ADRA1B: variants seen among roughly 807,000 people sequenced by gnomAD.
ADRA1B encodes alpha-1B adrenergic receptor.
A neutral mutation model predicts 17.9 loss-of-function variants in ADRA1B; 17 were observed. The ratio of observed to expected loss-of-function variants is 0.95; its 90% CI spans 0.65 to 1.42. The LOEUF (loss-of-function observed/expected upper bound fraction) is 1.42, where lower values mean the gene tolerates loss of function less well. Among genes scored for constraint, ADRA1B ranks in the 40% most tolerant of loss-of-function variants. The pLI is 0.00. For synonymous variants in ADRA1B, 366 were observed against 327.6 expected (o/e 1.12, Z -1.27); for missense variants, 681 against 722.1 (o/e 0.94, Z 0.65).
chr5:159,954,833 T>C (rs756727649), intron 1 of ADRA1B, among the ~76,000 whole-genome samples: 11 of 152,182 alleles, frequency 7.2e-5, no homozygotes, highest in Non-Finnish European at 1.5e-4. Flanking sequence ...ACTTTTATCA[T>C]TGAGATTCTC....
rs141600420 is a variant in ADRA1B at position 159,938,012 on chromosome 5, C to T, written c.949+20158C>T. Among the ~76,000 whole-genome samples, 20 of 152,280 alleles carry T rather than the reference C, an allele frequency of 1.3e-4. No individual in the cohort carries two copies. In the East Asian group the frequency reaches 3.9e-3, roughly 29 times the overall value. On this transcript the variant is annotated intron_variant, in intron 1 of 1. Coordinates refer to ENST00000306675, the MANE Select transcript of ADRA1B (RefSeq NM_000679.4). ...CTCAGTGCTCTCCTAGGCTTTTCCT[C>T]TTACTAGCTGTGTGATTTTGAAGCT...
chr5:159,931,570 A>G (rs981453612), intron 1 of ADRA1B, among the ~76,000 whole-genome samples: 5 of 152,194 alleles, frequency 3.3e-5, no homozygotes, highest in African/African-American at 1.2e-4. Flanking sequence ...ACAGCAAAAT[A>G]TAAAAAAGAA....
the ADRA1B span, among the ~76,000 whole-genome samples, chr5:159,982,935 G>A: frequency 1.3e-5 from 2 of 152,172 alleles, no homozygotes; most frequent in Non-Finnish European, 2.9e-5. Flanking sequence ...CTATCCGAAG[G>A]CAGTTACTAA....
In ADRA1B at chr5:159,917,130, C is replaced by T; in HGVS notation, c.225C>T (p.His75=). 6.2e-7 allele frequency: 1 copy of T among 1,614,148 alleles called. No individual in the cohort carries two copies. Among genetic ancestry groups the T allele is most frequent in the Non-Finnish European group, 8.5e-7 (1 of 1,180,016 alleles). ...TCTTGTCTGTGGCCTGCAACCGGCA[C>T]CTGCGGACGCCCACCAACTACTTCA... ...LVILSVACNR[H]LRTPTNYFIV... The change falls in exon 1 of 2, where the codon CAC becomes CAT. Residue 75 remains histidine, a synonymous_variant. Transcript: ENST00000306675.
chr5:159,971,478 T>G (rs1216112938), intron 1 of ADRA1B, among the ~76,000 whole-genome samples: 1 of 152,226 alleles, frequency 6.6e-6, no homozygotes, highest in Non-Finnish European at 1.5e-5. Flanking sequence ...ATCTACTTCA[T>G]GACGTTTTGT....
At chr5:159,987,544 G>A in the ADRA1B span, among the ~76,000 whole-genome samples, 1 of 152,358 alleles carries the variant, frequency 6.6e-6, no homozygotes, top group Middle Eastern at 3.4e-3. Flanking sequence ...GTGGACCCGC[G>A]CGCCACCCGC....
At chr5:159,984,914 A>G in the ADRA1B span, among the ~76,000 whole-genome samples, 1 of 151,510 alleles carries the variant, frequency 6.6e-6, no homozygotes, top group Non-Finnish European at 1.5e-5. Flanking sequence ...CAAAAAAAAA[A>G]AAAAGAAAAG....
chr5:159,944,671 A>G (rs967982802), intron 1 of ADRA1B, among the ~76,000 whole-genome samples: 4 of 151,612 alleles, frequency 2.6e-5, no homozygotes, highest in Non-Finnish European at 5.9e-5. Context: ...TGCCTCATAT[A>G]TGTTACCTCC....
intron 1 of ADRA1B, among the ~76,000 whole-genome samples, chr5:159,949,442 A>G (rs1755364228): frequency 6.6e-6 from 1 of 152,244 alleles, no homozygotes; most frequent in African/African-American, 2.4e-5. Flanking sequence ...GAAAATGTAC[A>G]TATGCACATC....
At chr5:159,916,284 G>C (rs1374223914), upstream of ADRA1B, 1 of 152,100 alleles carries the variant, frequency 6.6e-6, no homozygotes, top group African/African-American at 2.4e-5. Flanking sequence ...CCACGCCCAG[G>C]TCCCGCCCTC....
rs774975421 is a variant in ADRA1B, at chr5:159,972,264, C to T, written c.1335C>T (p.Pro445=). The change falls in exon 2 of 2, where the codon CCC becomes CCT. Residue 445 remains proline, a synonymous_variant. Transcript: ENST00000306675. ...APPPVELCAF[P]EWKAPGALLS... ...CGCCAGTCGAGCTGTGCGCCTTCCC[C>T]GAGTGGAAGGCGCCCGGCGCCCTCC... is the stretch of plus-strand genomic sequence containing the variant. The T allele has an allele frequency of 8.2e-6, 11 of 1,345,514 alleles. No individual in the cohort carries two copies. In the South Asian group the frequency reaches 1.0e-4, roughly 12 times the overall value. 83.3% of individuals were successfully genotyped at this position (1,345,514 alleles called of 1,614,324 possible).
chr5:159,981,051 G>T, the ADRA1B span, among the ~76,000 whole-genome samples: 2 of 152,210 alleles, frequency 1.3e-5, no homozygotes, highest in African/African-American at 4.8e-5. Flanking sequence ...CTGGACTCAT[G>T]AAGAGACTTC....
intron 1 of ADRA1B, among the ~76,000 whole-genome samples, chr5:159,934,024 G>A (rs1223147096): frequency 6.6e-6 from 1 of 152,200 alleles, no homozygotes; most frequent in Admixed American, 6.5e-5. Flanking sequence ...TGCAAAATTC[G>A]GATTGGCCCT....
chr5:159,980,654 A>G, the ADRA1B span, among the ~76,000 whole-genome samples: 1 of 152,152 alleles, frequency 6.6e-6, no homozygotes, highest in Non-Finnish European at 1.5e-5. Context: ...AGAATAATAG[A>G]ATCTTCTTCA....
intron 1 of ADRA1B, among the ~76,000 whole-genome samples, chr5:159,920,533 C>T (rs527801341): frequency 6.6e-6 from 1 of 152,066 alleles, no homozygotes; most frequent in Non-Finnish European, 1.5e-5. Context: ...GACTATCATG[C>T]GACGATCTCC....
chr5:159,932,701 T>A (rs1754848866), intron 1 of ADRA1B, among the ~76,000 whole-genome samples: 1 of 152,200 alleles, frequency 6.6e-6, no homozygotes, highest in African/African-American at 2.4e-5. Flanking sequence ...TCCAGATATG[T>A]TCTATGCATA....
chr5:159,985,771 G>A, the ADRA1B span, among the ~76,000 whole-genome samples: 3 of 152,276 alleles, frequency 2.0e-5, no homozygotes, highest in Non-Finnish European at 4.4e-5. Flanking sequence ...AGGCCAAGCA[G>A]TGCTGCCTCT....
At chr5:159,913,566 C>A (rs1467560264), upstream of ADRA1B, among the ~76,000 whole-genome samples, 1 of 152,242 alleles carries the variant, frequency 6.6e-6, no homozygotes, top group Non-Finnish European at 1.5e-5. Context: ...TCTTCCACAT[C>A]CTGACACCTG....
the ADRA1B span, among the ~76,000 whole-genome samples, chr5:159,988,543 A>G: frequency 2.0e-5 from 3 of 152,210 alleles, no homozygotes; most frequent in Admixed American, 2.0e-4. Context: ...TCCCCTCTCC[A>G]GGAGGAGACA....
Sources: allele counts gnomAD v4.1 joint callset (sites outside exome capture counted in the v4.1 genomes callset), GRCh38; gene constraint gnomAD v4.1.1; transcripts MANE v1.5; gene names NCBI Gene and HGNC (gene_info 2026-07-23, HGNC 2026-07-21).